Variants in LINC00237 observed in about 807,000 individuals in gnomAD.
The protein encoded by LINC00237 is long intergenic non-protein coding RNA 237.
chr20:21,097,159 C>T (rs544606568), intron 1 of LINC00237, among the ~76,000 whole-genome samples: 3 of 152,066 alleles, frequency 2.0e-5, no homozygotes, highest in Admixed American at 1.3e-4. Flanking sequence ...ATCCACAGGC[C>T]GACAAAGCTG....
At chr20:21,099,658 T>C (rs2030905028) in intron 1 of LINC00237, among the ~76,000 whole-genome samples, 1 of 152,068 alleles carries the variant, frequency 6.6e-6, no homozygotes, top group African/African-American at 2.4e-5. Context: ...CAGGCGCCCT[T>C]CTTTTTTTAT....
intron 1 of LINC00237, among the ~76,000 whole-genome samples, chr20:21,103,787 G>A (rs999905324): frequency 2.6e-5 from 4 of 152,160 alleles, no homozygotes; most frequent in Non-Finnish European, 5.9e-5. Context: ...CACGTCGAGC[G>A]AACAATGCCA....
At chr20:21,087,364 C>T (rs970342648) in intron 3 of LINC00237, among the ~76,000 whole-genome samples, 1 of 152,042 alleles carries the variant, frequency 6.6e-6, no homozygotes, top group Non-Finnish European at 1.5e-5. Flanking sequence ...AAACATTCCC[C>T]TTTTGAATGG....
rs1339471641 is a variant in LINC00237, at chr20:21,101,868, C to A, written n.88+4403G>T. On this transcript the variant is annotated intron_variant and non_coding_transcript_variant, in intron 1 of 3. Transcript: ENST00000691244. This position sits in a 1 kb window ranked among gnomAD's most constrained non-coding sequence, Gnocchi z 4.3. Reference sequence around the variant, plus strand: ...GGGGCCAGAGGCTGGCGGGGGCACGCGGGGGTGGTTGGGGGCGGAGTGCGG... The same window carrying A: ...GGGGCCAGAGGCTGGCGGGGGCACGAGGGGGTGGTTGGGGGCGGAGTGCGG... Among the ~76,000 whole-genome samples, 1 of 140,536 alleles carries A rather than the reference C, an allele frequency of 7.1e-6. No homozygotes were observed. The highest frequency in any genetic ancestry group is 1.6e-5 in the Non-Finnish European group (1 of 64,346). The allele number at this position is 140,536 out of a possible 152,430, so 92.2% of individuals were successfully genotyped here. A position where few individuals can be genotyped will look rare whatever the true frequency, so the allele number is the denominator to read the frequency against.
At chr20:21,085,774 G>A (rs1463911614) in exon 4 of LINC00237, among the ~76,000 whole-genome samples, 1 of 152,108 alleles carries the variant, frequency 6.6e-6, no homozygotes, top group African/African-American at 2.4e-5. Flanking sequence ...TTCATCAATT[G>A]TACACTTATT....
chr20:21,105,877 G>C (rs1041659816), intron 1 of LINC00237, among the ~76,000 whole-genome samples: 3 of 152,146 alleles, frequency 2.0e-5, no homozygotes, highest in African/African-American at 7.2e-5. Context: ...CTGCGGGCTG[G>C]GGAAAAGAAG....
At chr20:21,090,231 A>T (rs1405512451) in intron 2 of LINC00237, 1 of 152,238 alleles carries the variant, frequency 6.6e-6, no homozygotes, top group Non-Finnish European at 1.5e-5. Flanking sequence ...AGACATTTAC[A>T]TAAGTGCTGT....
intron 1 of LINC00237, among the ~76,000 whole-genome samples, chr20:21,105,248 AC>A (rs1189465164): frequency 6.7e-6 from 1 of 150,246 alleles, no homozygotes. Context: ...TTTAATTTTC[AC>A]CCTCCCGCTC....
At chr20:21,090,576 AT>A (rs1464412239) in intron 2 of LINC00237, 2 of 152,108 alleles carry the variant, frequency 1.3e-5, no homozygotes, top group African/African-American at 4.8e-5. Context: ...AAGGTGCAAA[AT>A]AGCTTGGACT....
chr20:21,104,460 T>C (rs1434566326), intron 1 of LINC00237, among the ~76,000 whole-genome samples: 1 of 152,234 alleles, frequency 6.6e-6, no homozygotes, highest in Non-Finnish European at 1.5e-5. Context: ...CCATAAATCC[T>C]CTTTAGTTAC....
chr20:21,099,334 C>T (rs1422106408), intron 1 of LINC00237, among the ~76,000 whole-genome samples: 1 of 147,560 alleles, frequency 6.8e-6, no homozygotes, highest in African/African-American at 2.5e-5. Flanking sequence ...AAATAAACAA[C>T]ACCTGCGCAC....
intron 2 of LINC00237, among the ~76,000 whole-genome samples, chr20:21,089,378 C>T (rs1183896887): frequency 6.6e-6 from 1 of 151,766 alleles, no homozygotes; most frequent in Non-Finnish European, 1.5e-5. Context: ...CTGTGAGAAT[C>T]CTGTATGTCA....
chr20:21,105,061 C>T (rs2030980661), intron 1 of LINC00237, among the ~76,000 whole-genome samples: 2 of 152,158 alleles, frequency 1.3e-5, no homozygotes, highest in African/African-American at 4.8e-5. Context: ...GCACCTGGAG[C>T]CCGAAGCACC....
At chr20:21,105,732 C>G (rs1217333807) in intron 1 of LINC00237, among the ~76,000 whole-genome samples, 1 of 152,232 alleles carries the variant, frequency 6.6e-6, no homozygotes, top group Non-Finnish European at 1.5e-5. Context: ...CGGCTGGAAA[C>G]CCCGGAGACT....
chr20:21,086,941 A>T (rs1389821044), intron 3 of LINC00237, among the ~76,000 whole-genome samples: 1 of 140,460 alleles, frequency 7.1e-6, no homozygotes, highest in Non-Finnish European at 1.5e-5. Flanking sequence ...TGTACTATAT[A>T]TAGTATATAT....
chr20:21,086,720 C>T (rs1456446445), intron 3 of LINC00237, among the ~76,000 whole-genome samples: 3 of 18,278 alleles, frequency 1.6e-4, no homozygotes, highest in Admixed American at 1.1e-3. Context: ...TACATATATA[C>T]TATATATAGT....
intron 1 of LINC00237, among the ~76,000 whole-genome samples, chr20:21,096,339 G>T (rs2030857503): frequency 6.6e-6 from 1 of 152,200 alleles, no homozygotes; most frequent in African/African-American, 2.4e-5. Context: ...CTCAGTACAT[G>T]ACTCTCATTA....
intron 2 of LINC00237, among the ~76,000 whole-genome samples, chr20:21,088,297 G>A (rs1036909780): frequency 3.3e-5 from 5 of 152,116 alleles, no homozygotes; most frequent in East Asian, 1.9e-4. Flanking sequence ...GTCTACCTAC[G>A]TCTAGAATTC....
At position 21,089,171 on chromosome 20, in the gene LINC00237, T is replaced by C. The variant is rs190080173; in HGVS notation, n.473-1141A>G. Among the ~76,000 whole-genome samples the C allele has an allele frequency of 1.0e-3, 151 of 151,096 alleles. 1 individual carries two copies. Among genetic ancestry groups the C allele is most frequent in the African/African-American group, 3.3e-3 (136 of 41,094 alleles). On this transcript the variant is annotated intron_variant and non_coding_transcript_variant, in intron 2 of 3. Transcript: ENST00000691244. ...TTTCATGCAAAGGATTGCTGAATATTCATTGATGTATCTAGTATCCACAAG... is the reference window on the plus strand; with the variant it reads ...TTTCATGCAAAGGATTGCTGAATATCCATTGATGTATCTAGTATCCACAAG...
Sources: allele counts gnomAD v4.1 joint callset (sites outside exome capture counted in the v4.1 genomes callset), GRCh38; gene constraint gnomAD v4.1.1; non-coding constraint Gnocchi (gnomAD v3.1); transcripts MANE v1.5; gene names NCBI Gene and HGNC (gene_info 2026-07-23, HGNC 2026-07-21).